The following NDUFAF6 variants were observed in gnomAD, a reference collection of about 807,000 sequenced individuals.
NDUFAF6 encodes the protein NADH:ubiquinone oxidoreductase complex assembly factor 6.
In NDUFAF6, 45 loss-of-function variants were observed where a neutral mutation model predicts 40.8. That is an observed-to-expected ratio of 1.10 (90% confidence interval 0.87 to 1.42). The LOEUF is 1.42. Ranked by LOEUF, NDUFAF6 falls within the 40% of genes most tolerant of loss-of-function variation. The probability of loss-of-function intolerance (pLI) is 0.00; values close to 1 mark genes in which losing one functional copy is unlikely to be tolerated. For synonymous variants in NDUFAF6, 185 were observed against 155.9 expected, an observed-to-expected ratio of 1.19 and a Z score of -1.39; for missense variants, 435 against 418.5, an observed-to-expected ratio of 1.04 and a Z score of -0.34.
At chr8:94,932,235 T>G (rs1177878882) in intron 1 of NDUFAF6, 2 of 928,048 alleles carry the variant, frequency 2.2e-6, no homozygotes, top group African/African-American at 3.3e-5. Flanking sequence ...GGCACGTACA[T>G]GTGCTTAAGA....
intron 2 of NDUFAF6, among the ~76,000 whole-genome samples, chr8:94,998,562 A>T (rs371454744): frequency 1.3e-5 from 2 of 152,168 alleles, no homozygotes; most frequent in Non-Finnish European, 2.9e-5. Context: ...GCAGTCATGT[A>T]TTGAGTGCTA....
downstream of NDUFAF6, among the ~76,000 whole-genome samples, chr8:95,117,823 A>C (rs1437134936): frequency 6.6e-6 from 1 of 152,230 alleles, no homozygotes; most frequent in East Asian, 1.9e-4. Flanking sequence ...AGTTGTAAGA[A>C]CAAAGCAGCC....
At chr8:94,985,498 TATATATATATATA>T (rs1825787135) in intron 2 of NDUFAF6, among the ~76,000 whole-genome samples, 1 of 8,852 alleles carries the variant, frequency 1.1e-4, no homozygotes, top group African/African-American at 4.2e-4. Context: ...TATATATATA[TATATATATATATA>T]TATATTTTTT....
chr8:94,962,624 T>TG (rs150320174), intron 1 of NDUFAF6, among the ~76,000 whole-genome samples: 72,415 of 149,912 alleles, frequency 0.48, 18,112 homozygotes, highest in East Asian at 0.72. Context: ...TTGTTTTTTT[T>TG]TTTTTTGAGA....
At chr8:94,913,662 T>C (rs571723635) in intron 1 of NDUFAF6, among the ~76,000 whole-genome samples, 2 of 152,216 alleles carry the variant, frequency 1.3e-5, no homozygotes, top group East Asian at 3.9e-4. Context: ...AGCTTAGCAT[T>C]CTGGCATGCA....
intron 2 of NDUFAF6, among the ~76,000 whole-genome samples, chr8:95,018,818 TC>T (rs1382372128): frequency 2.6e-5 from 4 of 151,824 alleles, no homozygotes; most frequent in African/African-American, 9.7e-5. Flanking sequence ...CCTAACCACT[TC>T]CCCCTACAAT....
At chr8:95,075,902 G>A (rs571809488) in exon 10 of NDUFAF6, 4 of 331,008 alleles carry the variant, frequency 1.2e-5, no homozygotes, top group Middle Eastern at 1.1e-3. Flanking sequence ...GCCAGACTGG[G>A]CAACTACACA....
At chr8:94,957,776 C>T (rs767954407), upstream of NDUFAF6, among the ~76,000 whole-genome samples, 14 of 152,292 alleles carry the variant, frequency 9.2e-5, no homozygotes, top group African/African-American at 2.4e-4. Context: ...TCTGAACCCC[C>T]GGGCCACCTC....
intron 5 of NDUFAF6, 74 bp downstream of exon 5, chr8:95,045,721 G>A: frequency 1.6e-6 from 2 of 1,249,160 alleles, no homozygotes; most frequent in South Asian, 2.4e-5. Context: ...TCATAATTTG[G>A]TAATCTAACC....
At chr8:94,986,011 C>A (rs1307514879) in intron 2 of NDUFAF6, among the ~76,000 whole-genome samples, 1 of 151,592 alleles carries the variant, frequency 6.6e-6, no homozygotes, top group Non-Finnish European at 1.5e-5. Context: ...GTAGCTGGGA[C>A]TACAGGCGTG....
At chr8:95,063,405 C>T (rs1832619021), downstream of NDUFAF6, among the ~76,000 whole-genome samples, 1 of 152,140 alleles carries the variant, frequency 6.6e-6, no homozygotes, top group Admixed American at 6.5e-5. Context: ...TTAAGACCAG[C>T]CTGGCCAACA....
At chr8:95,049,118 T>A (rs766034943) in intron 7 of NDUFAF6, among the ~76,000 whole-genome samples, 4 of 152,208 alleles carry the variant, frequency 2.6e-5, no homozygotes, top group Non-Finnish European at 5.9e-5. Flanking sequence ...ATGATTTGGC[T>A]CCTATCCTGC....
At chr8:95,055,373 G>A (rs560160557) in intron 8 of NDUFAF6, 1 of 151,702 alleles carries the variant, frequency 6.6e-6, no homozygotes, top group Non-Finnish European at 1.5e-5. Flanking sequence ...GTCATTCTGG[G>A]GTTTTTGGAA....
upstream of NDUFAF6, among the ~76,000 whole-genome samples, chr8:95,020,447 C>T (rs1345624252): frequency 6.6e-6 from 1 of 152,198 alleles, no homozygotes; most frequent in Non-Finnish European, 1.5e-5. Context: ...GACTGCAAGC[C>T]TGTATGGTGC....
chr8:95,039,324 G>A (rs1829885700), intron 3 of NDUFAF6, among the ~76,000 whole-genome samples: 1 of 151,912 alleles, frequency 6.6e-6, no homozygotes, highest in South Asian at 2.1e-4. Flanking sequence ...GTAGTGGTGT[G>A]CGCCTGTAGT....
At chr8:94,930,678 G>T in intron 1 of NDUFAF6, 1 of 1,614,218 alleles carries the variant, frequency 6.2e-7, no homozygotes, top group Non-Finnish European at 8.5e-7. Context: ...AGCAGCAAGA[G>T]CTGCAACATA....
chr8:95,050,738 TAGGAG>T (rs1227860276), intron 7 of NDUFAF6, among the ~76,000 whole-genome samples: 3 of 152,058 alleles, frequency 2.0e-5, no homozygotes, highest in Admixed American at 2.0e-4. Context: ...TTAGGAGACT[TAGGAG>T]AGGAAGAAAG....
At chr8:95,023,444 A>C (rs1198605544), upstream of NDUFAF6, 1 of 152,318 alleles carries the variant, frequency 6.6e-6, no homozygotes, top group African/African-American at 2.4e-5. Flanking sequence ...GCAAGTGGCC[A>C]GAGTTGAGGC....
At chr8:94,948,515 G>GGGACAGGCCGC (rs1298841765) in intron 2 of NDUFAF6, among the ~76,000 whole-genome samples, 4 of 152,226 alleles carry the variant, frequency 2.6e-5, no homozygotes, top group Non-Finnish European at 5.9e-5. Context: ...GGTCAAGCAA[G>GGGACAGGCCGC]GGACAGGCCG....
Sources: allele counts gnomAD v4.1 joint callset (sites outside exome capture counted in the v4.1 genomes callset), GRCh38; gene constraint gnomAD v4.1.1; transcripts MANE v1.5; gene names NCBI Gene and HGNC (gene_info 2026-07-23, HGNC 2026-07-21).